Variants in ITGA8 observed in about 807,000 individuals in gnomAD.
ITGA8 encodes the protein integrin alpha-8.
Under a neutral mutation model 142.3 loss-of-function variants are expected in ITGA8, and 91 were observed. That is an observed-to-expected ratio of 0.64 (90% confidence interval 0.54 to 0.76). The LOEUF is 0.76. Ranked by LOEUF, ITGA8 falls within the 30% of genes least tolerant of loss-of-function variation. The pLI is 0.00. For missense variants in ITGA8, 1,406 were observed against 1,327.7 expected (o/e 1.06, Z -0.92); for synonymous variants, 505 against 485.2 (o/e 1.04, Z -0.54).
intron 13 of ITGA8, among the ~76,000 whole-genome samples, chr10:15,641,459 G>A (rs968624853): frequency 2.0e-5 from 3 of 152,148 alleles, no homozygotes; most frequent in African/African-American, 7.2e-5. Context: ...TTCTCTGTAG[G>A]TCCTGGGATC....
At chr10:15,598,758 A>G (rs1833050473) in intron 20 of ITGA8, among the ~76,000 whole-genome samples, 1 of 152,218 alleles carries the variant, frequency 6.6e-6, no homozygotes, top group Admixed American at 6.5e-5. Context: ...TATCTGTCCT[A>G]GTTATTGAGA....
chr10:15,668,541 T>G (rs1166596534), intron 8 of ITGA8, among the ~76,000 whole-genome samples: 2 of 152,080 alleles, frequency 1.3e-5, no homozygotes, highest in Non-Finnish European at 2.9e-5. Context: ...TATTTTTATG[T>G]GTGAATTTGA....
At chr10:15,696,933 T>C (rs1159904161) in intron 2 of ITGA8, among the ~76,000 whole-genome samples, 4 of 151,384 alleles carry the variant, frequency 2.6e-5, no homozygotes, top group Non-Finnish European at 5.9e-5. Flanking sequence ...CAGTTGAGCC[T>C]GAGAGGTAGA....
chr10:15,548,051 T>G (rs1833711915), intron 27 of ITGA8, among the ~76,000 whole-genome samples: 1 of 151,092 alleles, frequency 6.6e-6, no homozygotes, highest in African/African-American at 2.5e-5. Flanking sequence ...AACTTTTACA[T>G]TGAAAAATGT....
intron 10 of ITGA8, among the ~76,000 whole-genome samples, chr10:15,656,143 TGTG>T (rs1214728849): frequency 1.1e-4 from 17 of 152,150 alleles, no homozygotes; most frequent in Non-Finnish European, 2.4e-4. Flanking sequence ...AGATATGACA[TGTG>T]GTACCAAAAC....
chr10:15,574,782 T>C (rs180685699), intron 24 of ITGA8, among the ~76,000 whole-genome samples: 7 of 152,044 alleles, frequency 4.6e-5, no homozygotes, highest in African/African-American at 1.2e-4. Context: ...TTGGTGACAT[T>C]CAGTTTAAAA....
chr10:15,669,235 TCTAAA>T (rs1834460067), intron 8 of ITGA8, among the ~76,000 whole-genome samples: 1 of 152,180 alleles, frequency 6.6e-6, no homozygotes, highest in Admixed American at 6.5e-5. Context: ...TTCTTTTTTC[TCTAAA>T]CTTCTCTTCT....
rs540260089 is a variant in ITGA8, at chr10:15,665,604, T to C, written c.848-4682A>G. On this transcript the variant is annotated intron_variant, in intron 8 of 29. Coordinates refer to ENST00000378076, the MANE Select transcript of ITGA8 (RefSeq NM_003638.3). ...GAAGTCCTTGCCCATGCCTATGTCC[T>C]GGATGGTATTGCCTAGGTTTTCTTC... Among the ~76,000 whole-genome samples, 3 of 152,360 alleles carry C rather than the reference T, an allele frequency of 2.0e-5. No individual in the cohort carries two copies. In the East Asian group the frequency reaches 5.8e-4, roughly 29 times the overall value.
In ITGA8 at chr10:15,694,184, CAT is replaced by C. The variant is rs1190467821; in HGVS notation, c.344-6148_344-6147del. On this transcript the variant is annotated intron_variant, in intron 2 of 29. Transcript: ENST00000378076. The stretch of plus-strand genomic sequence containing the variant: ...ATATATCATATATCAGATAATATAT[CAT>C]ATATATGATAATATATCATATATAT... Among the ~76,000 whole-genome samples the C allele has an allele frequency of 1.4e-4, 19 of 138,542 alleles. No homozygotes were observed. In the South Asian group the frequency reaches 3.3e-3, roughly 24 times the overall value. The allele number at this position is 138,542 out of a possible 152,430, so 90.9% of individuals were successfully genotyped here. A position where few individuals can be genotyped will look rare whatever the true frequency, so the allele number is the denominator to read the frequency against.
chr10:15,659,617 A>G (rs1238023002), intron 9 of ITGA8, among the ~76,000 whole-genome samples: 1 of 152,212 alleles, frequency 6.6e-6, no homozygotes, highest in East Asian at 1.9e-4. Context: ...AGCACCCCAA[A>G]ATTTCATATC....
intron 2 of ITGA8, among the ~76,000 whole-genome samples, chr10:15,702,919 CCCTGGA>C (rs1442337423): frequency 5.3e-5 from 8 of 152,120 alleles, no homozygotes; most frequent in African/African-American, 1.9e-4. Flanking sequence ...GAATACAACT[CCCTGGA>C]CTTAGTCACT....
chr10:15,631,593 C>T (rs1455570037), intron 13 of ITGA8, among the ~76,000 whole-genome samples: 3 of 151,538 alleles, frequency 2.0e-5, no homozygotes, highest in African/African-American at 7.3e-5. Flanking sequence ...GAAGGGATAG[C>T]ATTAGGAGAA....
chr10:15,711,452 C>A (rs1481047878), intron 2 of ITGA8, among the ~76,000 whole-genome samples: 1 of 152,034 alleles, frequency 6.6e-6, no homozygotes, highest in Non-Finnish European at 1.5e-5. Flanking sequence ...AACTCTCTTG[C>A]CTTCTCCATA....
chr10:15,587,132 A>T (rs1443897142), intron 22 of ITGA8, among the ~76,000 whole-genome samples: 4 of 152,108 alleles, frequency 2.6e-5, no homozygotes, highest in African/African-American at 4.8e-5. Context: ...CATGTTGGCC[A>T]GGATGGTCTC....
intron 28 of ITGA8, among the ~76,000 whole-genome samples, chr10:15,519,615 G>A (rs1833020628): frequency 6.6e-6 from 1 of 152,118 alleles, no homozygotes; most frequent in South Asian, 2.1e-4. Flanking sequence ...TTCTGTAAAA[G>A]TCTAATTAGA....
In ITGA8 at chr10:15,647,045, A is replaced by G. The variant is rs897676919; in HGVS notation, c.1008T>C (p.Asp336=). ...AGAGAGGTGCCCCAACCAGGACATC[A>G]TCCAGTCTGTAAGGAACAAAGAAAG... ...VVSDVNSDGL[D]DVLVGAPLFM... is the part of the protein sequence containing the mutation. The change falls in exon 12 of 30, where the codon GAT becomes GAC. Residue 336 remains aspartate, a synonymous_variant. Transcript: ENST00000378076. The G allele has an allele frequency of 1.2e-5, 20 of 1,612,996 alleles. No homozygotes were observed. The highest frequency in any genetic ancestry group is 2.7e-5 in the African/African-American group (2 of 74,910).
chr10:15,544,594 A>G (rs1307296673), intron 27 of ITGA8, among the ~76,000 whole-genome samples: 1 of 152,230 alleles, frequency 6.6e-6, no homozygotes, highest in Non-Finnish European at 1.5e-5. Context: ...CAGGATTTAC[A>G]GTTTATGCTT....
At chr10:15,671,348 C>G (rs1221764774) in intron 8 of ITGA8, among the ~76,000 whole-genome samples, 1 of 152,138 alleles carries the variant, frequency 6.6e-6, no homozygotes, top group Non-Finnish European at 1.5e-5. Flanking sequence ...ATTTTTCATT[C>G]ATAACATGGG....
chr10:15,679,974 T>C (rs898514586), intron 4 of ITGA8, among the ~76,000 whole-genome samples: 1 of 152,182 alleles, frequency 6.6e-6, no homozygotes, highest in African/African-American at 2.4e-5. Context: ...GATTTGGACA[T>C]GTAAATAATT....
Sources: gnomAD v4.1 joint callset for allele counts (sites outside exome capture counted in the v4.1 genomes callset) on GRCh38, gnomAD v4.1.1 for gene constraint, MANE v1.5 for transcripts, NCBI Gene and HGNC (gene_info 2026-07-23, HGNC 2026-07-21) for gene names.